NR3C2: variants seen among roughly 807,000 people sequenced by gnomAD.
NR3C2 encodes the protein nuclear receptor subfamily 3 group C member 2.
In NR3C2, 15 loss-of-function variants were observed where a neutral mutation model predicts 86.4. That is an observed-to-expected ratio of 0.17 (90% CI 0.12 to 0.27). The LOEUF is 0.27. Ranked by LOEUF, NR3C2 falls within the 10% of genes least tolerant of loss-of-function variation. The probability of loss-of-function intolerance (pLI) is 1.00; values close to 1 mark genes in which losing one functional copy is unlikely to be tolerated. For missense variants in NR3C2, 960 were observed against 1,195.6 expected, an observed-to-expected ratio of 0.80 and a Z score of 2.91; for synonymous variants, 458 against 450.5, an observed-to-expected ratio of 1.02 and a Z score of -0.21.
At chr4:148,111,824 G>A (rs1732058058) in intron 8 of NR3C2, among the ~76,000 whole-genome samples, 1 of 152,212 alleles carries the variant, frequency 6.6e-6, no homozygotes, top group South Asian at 2.1e-4. Context: ...AGTAATTGAG[G>A]AGAAGGAGTG....
At chr4:148,199,625 A>T (rs1366562839) in intron 3 of NR3C2, among the ~76,000 whole-genome samples, 1 of 152,176 alleles carries the variant, frequency 6.6e-6, no homozygotes, top group East Asian at 1.9e-4. Flanking sequence ...GAGGTAACTG[A>T]TATTTACAGA....
chr4:148,100,739 C>A (rs138568429), intron 8 of NR3C2, among the ~76,000 whole-genome samples: 1 of 152,320 alleles, frequency 6.6e-6, no homozygotes, highest in Admixed American at 6.5e-5. Context: ...GAATTGAAAG[C>A]AGAGTCTCAA....
At position 148,125,819 on chromosome 4, in the gene NR3C2, G is replaced by T. The variant is rs1210315222; in HGVS notation, c.2511-5531C>A. 2.0e-5 allele frequency among the ~76,000 whole-genome samples: 3 copies of T among 152,128 alleles called. No homozygotes were observed. The East Asian group carries it at 5.8e-4, about 29-fold the overall frequency. On this transcript the variant is annotated intron_variant, in intron 6 of 8. Coordinates refer to ENST00000358102, the MANE Select transcript of NR3C2 (RefSeq NM_000901.5). The stretch of plus-strand genomic sequence containing the variant: ...AAAAAAGAAAAGAGAACAGTTAAAG[G>T]CTATGAAAACATACAGATTTGCATA...
chr4:148,404,410 T>G lies in NR3C2; in HGVS notation c.1757+30694A>C, dbSNP rs1748312418. 1.3e-5 allele frequency among the ~76,000 whole-genome samples: 2 copies of G among 152,132 alleles called. 1 individual carries two copies. Among genetic ancestry groups the G allele is most frequent in the South Asian group, 4.1e-4 (2 of 4,826 alleles). On this transcript the variant is annotated intron_variant, in intron 2 of 8. Transcript: ENST00000358102. ...AATGTGGTACACTAATAGTCAAAATTTTGTTACAGGTCAAAGACCATTCTA... is the reference window on the plus strand; with the variant it reads ...AATGTGGTACACTAATAGTCAAAATGTTGTTACAGGTCAAAGACCATTCTA...
intron 2 of NR3C2, among the ~76,000 whole-genome samples, chr4:148,287,924 T>C (rs1400750504): frequency 6.6e-6 from 1 of 152,156 alleles, no homozygotes; most frequent in Non-Finnish European, 1.5e-5. Context: ...AAATACTTTT[T>C]AAAAACACTT....
intron 8 of NR3C2, among the ~76,000 whole-genome samples, chr4:148,084,982 A>G (rs893811450): frequency 5.3e-5 from 8 of 152,222 alleles, no homozygotes; most frequent in African/African-American, 1.7e-4. Context: ...CACCCAATAC[A>G]GGACCACCCA....
At chr4:148,354,562 T>C (rs891494033) in intron 2 of NR3C2, among the ~76,000 whole-genome samples, 3 of 152,160 alleles carry the variant, frequency 2.0e-5, no homozygotes, top group African/African-American at 7.2e-5. Flanking sequence ...CAAAGAATTG[T>C]ATTAACAAAA....
chr4:148,120,351 G>A, intron 6 of NR3C2, 63 bp from the exon 7 acceptor site: 1 of 1,599,462 alleles, frequency 6.3e-7, no homozygotes, highest in Non-Finnish European at 8.6e-7. Flanking sequence ...CAGACTGGCA[G>A]CCTGAGGCAG....
intron 2 of NR3C2, among the ~76,000 whole-genome samples, chr4:148,325,136 G>A (rs1743893658): frequency 8.6e-6 from 1 of 116,752 alleles, no homozygotes; most frequent in Admixed American, 7.9e-5. Context: ...GAGAGAGAAT[G>A]AGAGAGAGAG....
chr4:148,225,204 C>G (rs1281394239), intron 3 of NR3C2, among the ~76,000 whole-genome samples: 5 of 152,092 alleles, frequency 3.3e-5, no homozygotes, highest in Non-Finnish European at 7.4e-5. Flanking sequence ...ACTCAAGAAG[C>G]TAGAGAATCC....
At chr4:148,225,461 T>G (rs764404267) in intron 3 of NR3C2, among the ~76,000 whole-genome samples, 2 of 152,150 alleles carry the variant, frequency 1.3e-5, no homozygotes, top group African/African-American at 2.4e-5. Flanking sequence ...TCCCTCATCT[T>G]TAGAACTTTG....
At chr4:148,385,519 T>C (rs116067936) in intron 2 of NR3C2, among the ~76,000 whole-genome samples, 43 of 152,346 alleles carry the variant, frequency 2.8e-4, no homozygotes, top group African/African-American at 9.9e-4. Context: ...CTTTTTTTCT[T>C]ATTCAAGGGC....
intron 3 of NR3C2, among the ~76,000 whole-genome samples, chr4:148,198,818 C>T (rs986719710): frequency 6.6e-5 from 10 of 151,668 alleles, no homozygotes; most frequent in Admixed American, 2.6e-4. Context: ...CGGTGGCTCA[C>T]GCCTGTAATC....
intron 4 of NR3C2, among the ~76,000 whole-genome samples, chr4:148,193,544 G>T (rs1292007353): frequency 6.6e-6 from 1 of 152,166 alleles, no homozygotes; most frequent in East Asian, 1.9e-4. Flanking sequence ...ACAACCTCCT[G>T]TATGTGTTAA....
intron 2 of NR3C2, among the ~76,000 whole-genome samples, chr4:148,324,213 G>A (rs1037294161): frequency 7.9e-5 from 12 of 152,100 alleles, no homozygotes; most frequent in East Asian, 1.9e-4. Context: ...AAATAAGGTC[G>A]CACGGTATTT....
At chr4:148,300,764 G>A (rs1742301768) in intron 2 of NR3C2, among the ~76,000 whole-genome samples, 1 of 152,100 alleles carries the variant, frequency 6.6e-6, no homozygotes, top group South Asian at 2.1e-4. Flanking sequence ...TAGAGATGGG[G>A]TTTCACTATG....
intron 4 of NR3C2, among the ~76,000 whole-genome samples, chr4:148,180,658 C>T (rs1735602552): frequency 6.6e-6 from 1 of 152,200 alleles, no homozygotes; most frequent in Non-Finnish European, 1.5e-5. Flanking sequence ...TCTTTTGACT[C>T]ATGCAAACCT....
At chr4:148,376,927 T>C (rs916301259) in intron 2 of NR3C2, among the ~76,000 whole-genome samples, 1 of 152,194 alleles carries the variant, frequency 6.6e-6, no homozygotes, top group African/African-American at 2.4e-5. Flanking sequence ...TTATACTTTT[T>C]TTGAAATTAT....
chr4:148,282,732 A>G (rs1328801080), intron 2 of NR3C2, among the ~76,000 whole-genome samples: 1 of 152,224 alleles, frequency 6.6e-6, no homozygotes, highest in African/African-American at 2.4e-5. Flanking sequence ...ATTTGGCAAG[A>G]GCAGACTAAA....
Sources: gnomAD v4.1 joint callset for allele counts (sites outside exome capture counted in the v4.1 genomes callset) on GRCh38, gnomAD v4.1.1 for gene constraint, MANE v1.5 for transcripts, NCBI Gene and HGNC (gene_info 2026-07-23, HGNC 2026-07-21) for gene names.